The following CLMN variants were observed in gnomAD, a reference collection of about 807,000 sequenced individuals.
The protein encoded by CLMN is calmin, also known as calmin (calponin-like, transmembrane).
A neutral mutation model predicts 92.7 loss-of-function variants in CLMN; 57 were observed. That is an observed-to-expected ratio of 0.61 (90% CI 0.50 to 0.77). CLMN has a LOEUF of 0.77. CLMN is among the 30% of genes least tolerant of loss of function. The pLI, the probability that CLMN is intolerant of heterozygous loss-of-function variation, is 0.00. For synonymous variants in CLMN, 466 were observed against 470.6 expected, an observed-to-expected ratio of 0.99 and a Z score of 0.13; for missense variants, 1,158 against 1,237.5, an observed-to-expected ratio of 0.94 and a Z score of 0.96.
In CLMN at chr14:95,199,842, C is replaced by T. The variant is rs1896826369; in HGVS notation, c.2511+2996G>A. 2.0e-5 allele frequency among the ~76,000 whole-genome samples: 3 copies of T among 152,054 alleles called. No individual in the cohort carries two copies. In the South Asian group the frequency reaches 6.2e-4, roughly 32 times the overall value. The stretch of plus-strand genomic sequence containing the variant: ...AGTCACACCTGGAGGCAGAGGAGAG[C>T]CTGGATGTCTGGGGGTGTGGGAGGA... On this transcript the variant is annotated intron_variant, in intron 9 of 12. Transcript: ENST00000298912.
chr14:95,201,932 G>A lies in CLMN; in HGVS notation c.2511+906C>T, dbSNP rs1427808211. 2.0e-5 allele frequency among the ~76,000 whole-genome samples: 3 copies of A among 152,282 alleles called. No individual in the cohort carries two copies. The South Asian group carries it at 6.2e-4, about 32-fold the overall frequency. Reference sequence around the variant, plus strand: ...ACTCATTCTTTTTTATGGCTGCATAGTATTCCATGGTATATATGTACCACA... The same window carrying A: ...ACTCATTCTTTTTTATGGCTGCATAATATTCCATGGTATATATGTACCACA... On this transcript the variant is annotated intron_variant, in intron 9 of 12. Transcript: ENST00000298912.
In CLMN at chr14:95,264,110, T is replaced by C. The variant is rs184160730; in HGVS notation, c.83-33977A>G. Among the ~76,000 whole-genome samples the C allele has an allele frequency of 4.7e-3, 712 of 152,184 alleles. 4 individuals carry two copies. The highest frequency in any genetic ancestry group is 7.1e-3 in the Non-Finnish European group (480 of 68,000). ...TGGACTGCAGTGGCACCATCTCAGC[T>C]CACACTGCAGCCCTGACCTCCTGGG... On this transcript the variant is annotated intron_variant, in intron 1 of 12. Coordinates refer to ENST00000298912, the MANE Select transcript of CLMN (RefSeq NM_024734.4).
chr14:95,279,386 C>T (rs1237109279), intron 1 of CLMN, among the ~76,000 whole-genome samples: 2 of 152,178 alleles, frequency 1.3e-5, no homozygotes, highest in Non-Finnish European at 2.9e-5. Context: ...CTAGATAAGG[C>T]CTGGGACATA....
intron 1 of CLMN, among the ~76,000 whole-genome samples, chr14:95,317,392 G>A (rs1409154834): frequency 1.3e-5 from 2 of 152,072 alleles, no homozygotes; most frequent in East Asian, 1.9e-4. Context: ...CGCCCGACAC[G>A]GTAACTCTAC....
chr14:95,244,668 T>A (rs1214029612), intron 1 of CLMN, among the ~76,000 whole-genome samples: 3 of 152,214 alleles, frequency 2.0e-5, no homozygotes, highest in African/African-American at 7.2e-5. Context: ...CTTCCCTCTA[T>A]ATATGCTATG....
intron 12 of CLMN, 31 bp downstream of exon 12, chr14:95,193,817 AC>A: frequency 1.2e-6 from 2 of 1,610,764 alleles, no homozygotes; most frequent in South Asian, 2.2e-5. Context: ...TTTTATTACT[AC>A]CCCCACAAAA....
At position 95,287,728 on chromosome 14, in the gene CLMN, G is replaced by A. The variant is rs151272646; in HGVS notation, c.82+31983C>T. Among the ~76,000 whole-genome samples the A allele has an allele frequency of 3.4e-4, 52 of 152,308 alleles. 1 individual carries two copies. In the East Asian group the frequency reaches 9.8e-3, roughly 29 times the overall value. ...ATGTCCATAAAGCTCAGACAACACT[G>A]GCTTGCAGGGAGGAGATGCCCTGGG... On this transcript the variant is annotated intron_variant, in intron 1 of 12. Transcript: ENST00000298912.
At chr14:95,319,683 A>T (rs1324337688) in intron 1 of CLMN, 28 bp downstream of exon 1, 1 of 1,577,490 alleles carries the variant, frequency 6.3e-7, no homozygotes. Context: ...GCGCCCAGCC[A>T]TCCCGGGGCG....
intron 1 of CLMN, among the ~76,000 whole-genome samples, chr14:95,304,890 C>T (rs1482973103): frequency 3.3e-5 from 5 of 152,234 alleles, no homozygotes; most frequent in African/African-American, 1.2e-4. Context: ...CCTAAAGATA[C>T]TGGCATGGGG....
intron 1 of CLMN, among the ~76,000 whole-genome samples, chr14:95,297,879 C>T (rs930509923): frequency 6.6e-6 from 1 of 152,102 alleles, no homozygotes; most frequent in South Asian, 2.1e-4. Context: ...TGCTCACCCA[C>T]GCATATAGTT....
chr14:95,290,850 T>C (rs1353615827), intron 1 of CLMN, among the ~76,000 whole-genome samples: 3 of 152,174 alleles, frequency 2.0e-5, no homozygotes, highest in African/African-American at 7.2e-5. Context: ...TGCTGTGGTA[T>C]GCAGTAGGTG....
At chr14:95,254,881 G>A (rs1566897275) in intron 1 of CLMN, among the ~76,000 whole-genome samples, 1 of 152,146 alleles carries the variant, frequency 6.6e-6, no homozygotes, top group Non-Finnish European at 1.5e-5. Context: ...CTTTTGTAGA[G>A]ACAGGGTCTC....
intron 1 of CLMN, among the ~76,000 whole-genome samples, chr14:95,297,024 G>A (rs1322920850): frequency 6.6e-6 from 1 of 152,164 alleles, no homozygotes; most frequent in African/African-American, 2.4e-5. Flanking sequence ...CCCAGGAAGG[G>A]TTCTGGGCTC....
In CLMN at chr14:95,203,966, T is replaced by C; in HGVS notation, c.1383A>G (p.Gly461=). 6.2e-7 allele frequency: 1 copy of C among 1,614,212 alleles called. No homozygotes were observed. Among genetic ancestry groups the C allele is most frequent in the East Asian group, 2.2e-5 (1 of 44,888 alleles). The part of the protein sequence containing the change: ...RVAKESLRQD[G]HVLAVEVAEE... ...CAGCAACCTCAACTGCCAAGACATGTCCATCCTGCCTCAATGATTCCTTTG... is the reference window on the plus strand; with the variant it reads ...CAGCAACCTCAACTGCCAAGACATGCCCATCCTGCCTCAATGATTCCTTTG... Residue 461 remains glycine, a synonymous_variant, in exon 9 of 13, where the codon GGA becomes GGG. Transcript: ENST00000298912.
chr14:95,202,532 C>T (rs1215839918), intron 9 of CLMN, among the ~76,000 whole-genome samples: 1 of 152,150 alleles, frequency 6.6e-6, no homozygotes, highest in Non-Finnish European at 1.5e-5. Context: ...CATTTCTGCC[C>T]CTCCTCTGCT....
intron 10 of CLMN, among the ~76,000 whole-genome samples, chr14:95,195,340 G>A (rs554077074): frequency 1.3e-5 from 2 of 152,210 alleles, no homozygotes; most frequent in Non-Finnish European, 2.9e-5. Context: ...TCACACCCAG[G>A]GGCAGGGACA....
At position 95,213,357 on chromosome 14, in the gene CLMN, G is replaced by A. The variant is rs1156472461; in HGVS notation, c.470C>T (p.Ser157Phe). ...TGAGTCTGTGCCCCCTGAGCCAGGG[G>A]ACAAGCTGGAAGATGGAGAGTTTCT... is the stretch of plus-strand genomic sequence containing the variant. ...LSRNSPSSSLSPGSGGTDSDS... is the reference protein window; with the variant it reads ...LSRNSPSSSLFPGSGGTDSDS... Residue 157 changes from serine to phenylalanine, a missense_variant, in exon 6 of 13, where the codon TCC becomes TTC. By Grantham distance (155) the Ser-to-Phe change is radical. Transcript: ENST00000298912. 1 of 1,613,026 alleles carries A rather than the reference G, an allele frequency of 6.2e-7. No homozygotes were observed. The highest frequency in any genetic ancestry group is 1.7e-5 in the Admixed American group (1 of 59,690).
At chr14:95,209,952 C>T (rs948725426) in intron 7 of CLMN, among the ~76,000 whole-genome samples, 1 of 152,106 alleles carries the variant, frequency 6.6e-6, no homozygotes, top group Non-Finnish European at 1.5e-5. Flanking sequence ...CTGGGATGCA[C>T]GTTGAGCTTT....
chr14:95,289,487 AAAT>A (rs1900472019), intron 1 of CLMN, among the ~76,000 whole-genome samples: 2 of 108,050 alleles, frequency 1.9e-5, no homozygotes, highest in Non-Finnish European at 4.1e-5. Flanking sequence ...ATAAATAAAT[AAAT>A]AAATAAATAA....
Sources: gnomAD v4.1 joint callset for allele counts (sites outside exome capture counted in the v4.1 genomes callset) on GRCh38, gnomAD v4.1.1 for gene constraint, MANE v1.5 for transcripts, NCBI Gene and HGNC (gene_info 2026-07-23, HGNC 2026-07-21) for gene names.